CLN8: variants seen among roughly 807,000 people sequenced by gnomAD.
CLN8 encodes the protein CLN8 transmembrane ER and ERGIC protein, also known as protein CLN8.
In CLN8, 14 loss-of-function variants were observed where a neutral mutation model predicts 15.7. That is an observed-to-expected ratio of 0.89 (90% CI 0.59 to 1.39). The LOEUF is 1.39. CLN8 is among the 40% of genes most tolerant of loss of function. The probability of loss-of-function intolerance (pLI) is 0.00; values close to 1 mark genes in which losing one functional copy is unlikely to be tolerated. For synonymous variants in CLN8, 188 were observed against 151.0 expected (o/e 1.25, Z -1.80); for missense variants, 415 against 364.0 (o/e 1.14, Z -1.14).
chr8:1,753,639 A>G (rs1034538446), upstream of CLN8, among the ~76,000 whole-genome samples: 53 of 147,616 alleles, frequency 3.6e-4, no homozygotes, highest in African/African-American at 1.2e-3. Flanking sequence ...GTAATCCCAC[A>G]CTTTTGGAGG....
upstream of CLN8, among the ~76,000 whole-genome samples, chr8:1,755,388 C>A (rs906319936): frequency 6.6e-6 from 1 of 152,190 alleles, no homozygotes; most frequent in African/African-American, 2.4e-5. Context: ...TGTTTTCTCT[C>A]ACTGGCATGG....
At chr8:1,767,251 G>A (rs1017617747) in intron 1 of CLN8, among the ~76,000 whole-genome samples, 1 of 152,172 alleles carries the variant, frequency 6.6e-6, no homozygotes, top group Non-Finnish European at 1.5e-5. Context: ...AATCAGAATG[G>A]GGGATTCACT....
chr8:1,776,343 G>C (rs1040497239), intron 2 of CLN8, among the ~76,000 whole-genome samples: 1 of 152,180 alleles, frequency 6.6e-6, no homozygotes, highest in Non-Finnish European at 1.5e-5. Flanking sequence ...TGTGAGGGTT[G>C]GGTATGCATG....
At chr8:1,759,107 T>A (rs1277902319), upstream of CLN8, 1 of 152,224 alleles carries the variant, frequency 6.6e-6, no homozygotes, top group Non-Finnish European at 1.5e-5. Context: ...GTCTGTTTTG[T>A]CAACCTTAAG....
chr8:1,766,535 G>A (rs1250049413), intron 1 of CLN8, among the ~76,000 whole-genome samples: 4 of 151,790 alleles, frequency 2.6e-5, no homozygotes, highest in Non-Finnish European at 5.9e-5. Flanking sequence ...GACTACAGGC[G>A]CTCGCCATCA....
intron 2 of CLN8, among the ~76,000 whole-genome samples, chr8:1,778,159 A>T (rs1563112816): frequency 6.6e-6 from 1 of 152,128 alleles, no homozygotes; most frequent in Non-Finnish European, 1.5e-5. Flanking sequence ...CAGTTGTCAG[A>T]GTGACTATAC....
chr8:1,778,417 C>T (rs745728742), intron 2 of CLN8, among the ~76,000 whole-genome samples: 114 of 152,240 alleles, frequency 7.5e-4, no homozygotes, highest in Non-Finnish European at 1.2e-3. Flanking sequence ...TTCTTCTGGT[C>T]TGTGGGTTTC....
At chr8:1,762,519 T>C (rs1257454277), upstream of CLN8, 2 of 152,206 alleles carry the variant, frequency 1.3e-5, no homozygotes, top group African/African-American at 4.8e-5. Flanking sequence ...CACACACATT[T>C]ACCCATGTTC....
intron 1 of CLN8, among the ~76,000 whole-genome samples, chr8:1,770,269 A>G (rs1326103052): frequency 6.6e-6 from 1 of 152,232 alleles, no homozygotes; most frequent in Admixed American, 6.5e-5. Context: ...AGGGCCCAGC[A>G]GCTGCAGAGA....
chr8:1,772,069 A>G (rs1314177217), intron 2 of CLN8, among the ~76,000 whole-genome samples: 5 of 151,482 alleles, frequency 3.3e-5, no homozygotes, highest in African/African-American at 4.8e-5. Context: ...CCTAGTAGCT[A>G]GGACTACAGG....
chr8:1,774,366 A>G (rs1424638292), intron 2 of CLN8, among the ~76,000 whole-genome samples: 2 of 152,254 alleles, frequency 1.3e-5, no homozygotes, highest in African/African-American at 4.8e-5. Context: ...AATATAGCTC[A>G]GGGCCAGTAT....
chr8:1,763,255 G>C (rs1219535313), upstream of CLN8: 1 of 151,340 alleles, frequency 6.6e-6, no homozygotes, highest in African/African-American at 2.4e-5. Context: ...CCTCGGCCCC[G>C]TCCGGGTGCA....
chr8:1,779,176 G>A (rs1801625742), intron 2 of CLN8, among the ~76,000 whole-genome samples: 1 of 152,220 alleles, frequency 6.6e-6, no homozygotes, highest in Admixed American at 6.5e-5. Context: ...GTAGGGGACT[G>A]TCTATAACAG....
intron 2 of CLN8, among the ~76,000 whole-genome samples, chr8:1,777,556 A>G (rs368348590): frequency 1.9e-4 from 29 of 152,152 alleles, no homozygotes; most frequent in African/African-American, 7.0e-4. Flanking sequence ...ACACAAATAC[A>G]TTGTGTGTAT....
intron 1 of CLN8, among the ~76,000 whole-genome samples, chr8:1,757,599 C>T (rs566811927): frequency 4.6e-4 from 70 of 152,318 alleles, no homozygotes; most frequent in South Asian, 3.3e-3. Flanking sequence ...TGCCACGACA[C>T]CCAGCTAATT....
rs544489508 is a variant in CLN8, at chr8:1,776,221, G to A, written c.544-4029G>A. On this transcript the variant is annotated intron_variant, in intron 2 of 2. Transcript: ENST00000331222. ...GTCAGGGGGATACTTGCATGTGACTGTGCTTCTGTTCACAGAGAAGGTTCT... is the reference window on the plus strand; with the variant it reads ...GTCAGGGGGATACTTGCATGTGACTATGCTTCTGTTCACAGAGAAGGTTCT... 1.1e-4 allele frequency among the ~76,000 whole-genome samples: 16 copies of A among 152,250 alleles called. No homozygotes were observed. The South Asian group carries it at 3.1e-3, about 30-fold the overall frequency.
At chr8:1,754,391 C>T (rs192241879), upstream of CLN8, among the ~76,000 whole-genome samples, 6 of 152,332 alleles carry the variant, frequency 3.9e-5, no homozygotes, top group Non-Finnish European at 7.3e-5. Flanking sequence ...ACTTTCCAGT[C>T]TTATGTAAAA....
Position 1,785,720 on chromosome 8 carries a change from G to T in CLN8, c.*5153G>T, listed in dbSNP as rs2129016504. ...CAGATTACGGTGGCACAGGCTGCGT[G>T]GGGTTAGACAGGTACCGGTCAGATT... On this transcript the variant is annotated 3_prime_UTR_variant, in exon 3 of 3. Transcript: ENST00000331222. 1 of 157,708 alleles carries T rather than the reference G, an allele frequency of 6.3e-6. No individual in the cohort carries two copies. Among genetic ancestry groups the T allele is most frequent in the Middle Eastern group, 3.2e-3 (1 of 310 alleles). 9.8% of individuals were successfully genotyped at this position (157,708 alleles called of 1,614,324 possible). A position where few individuals can be genotyped will look rare whatever the true frequency, so the allele number is the denominator to read the frequency against.
intron 1 of CLN8, chr8:1,758,635 T>C (rs1471368983): frequency 2.6e-5 from 4 of 152,172 alleles, no homozygotes; most frequent in Admixed American, 6.5e-5. Context: ...AATCGATACA[T>C]GTAAGGTGTC....
Sources: allele counts gnomAD v4.1 joint callset (sites outside exome capture counted in the v4.1 genomes callset), GRCh38; gene constraint gnomAD v4.1.1; transcripts MANE v1.5; gene names NCBI Gene and HGNC (gene_info 2026-07-23, HGNC 2026-07-21).